Variants in ACVR1 observed in about 807,000 individuals in gnomAD.
ACVR1 encodes the protein activin receptor type-1.
ACVR1 carries 38 observed loss-of-function variants against 57.1 expected under a neutral mutation model. The observed-to-expected ratio is 0.67, with a 90% confidence interval of 0.51 to 0.87. ACVR1 has a LOEUF of 0.87. ACVR1 is among the 40% of genes least tolerant of loss of function. The pLI, the probability that ACVR1 is intolerant of heterozygous loss-of-function variation, is 0.00. For missense variants in ACVR1, 463 were observed against 638.2 expected (o/e 0.73, Z 2.96); for synonymous variants, 212 against 228.1 (o/e 0.93, Z 0.63).
chr2:157,780,304 C>T, intron 4 of ACVR1, 33 bp downstream of exon 4: 1 of 1,613,934 alleles, frequency 6.2e-7, no homozygotes, highest in Non-Finnish European at 8.5e-7. Flanking sequence ...TAACAAAACC[C>T]CTTGATCTAG....
chr2:157,767,769 G>A (rs1685920875), intron 7 of ACVR1, among the ~76,000 whole-genome samples: 1 of 152,122 alleles, frequency 6.6e-6, no homozygotes, highest in African/African-American at 2.4e-5. Context: ...GGATCACACA[G>A]CTATTTAAGT....
At position 157,768,042 on chromosome 2, in the gene ACVR1, C is replaced by T. The variant is rs115385372; in HGVS notation, c.791-1846G>A. 9.8e-4 allele frequency among the ~76,000 whole-genome samples: 149 copies of T among 152,272 alleles called. 1 individual carries two copies. Among genetic ancestry groups the T allele is most frequent in the Non-Finnish European group, 1.8e-3 (123 of 68,018 alleles). ...ACTCTTACTGACTATGCCATACTGT[C>T]CCCAAACAAACTGATTTCTACTCAG... On this transcript the variant is annotated intron_variant, in intron 7 of 10. Transcript: ENST00000434821.
intron 2 of ACVR1, among the ~76,000 whole-genome samples, chr2:157,817,773 G>C (rs1004399532): frequency 1.1e-4 from 16 of 152,252 alleles, no homozygotes; most frequent in African/African-American, 3.8e-4. Flanking sequence ...GGCCAAGGCA[G>C]GTGGATCACA....
chr2:157,764,357 ATT>A, intron 8 of ACVR1, among the ~76,000 whole-genome samples: 1 of 130,980 alleles, frequency 7.6e-6, no homozygotes, highest in South Asian at 2.4e-4. Context: ...TATTATTATT[ATT>A]TTTCTTTTTT....
chr2:157,741,785 C>G (rs144298884), intron 9 of ACVR1, among the ~76,000 whole-genome samples: 1 of 152,016 alleles, frequency 6.6e-6, no homozygotes, highest in Admixed American at 6.6e-5. Flanking sequence ...TGGCAGGGCT[C>G]AGAGGAGGAA....
intron 2 of ACVR1, among the ~76,000 whole-genome samples, chr2:157,816,708 G>A (rs779382756): frequency 4.6e-5 from 7 of 152,122 alleles, no homozygotes; most frequent in South Asian, 4.1e-4. Context: ...CCTCAAAAGC[G>A]TTAAATCTAA....
intron 1 of ACVR1, among the ~76,000 whole-genome samples, chr2:157,865,764 C>T (rs1380762016): frequency 7.3e-6 from 1 of 137,138 alleles, no homozygotes; most frequent in Non-Finnish European, 1.5e-5. Flanking sequence ...CACTGCACTC[C>T]AGCCCGGGCA....
intron 7 of ACVR1, among the ~76,000 whole-genome samples, chr2:157,766,401 A>T (rs1685861509): frequency 1.3e-5 from 2 of 152,244 alleles, no homozygotes. Context: ...TAATAGGAAA[A>T]TTTCATATTC....
At chr2:157,769,199 A>G (rs145209308) in intron 7 of ACVR1, among the ~76,000 whole-genome samples, 334 of 152,316 alleles carry the variant, frequency 2.2e-3, no homozygotes, top group Non-Finnish European at 3.7e-3. Context: ...TAGTAACTGA[A>G]TGGGGCATAC....
intron 5 of ACVR1, among the ~76,000 whole-genome samples, chr2:157,776,159 G>T (rs1686279832): frequency 6.6e-6 from 1 of 152,166 alleles, no homozygotes; most frequent in African/African-American, 2.4e-5. Context: ...TCTTTACTGT[G>T]TTATTATATC....
intron 9 of ACVR1, among the ~76,000 whole-genome samples, chr2:157,750,639 G>A (rs1266200933): frequency 4.0e-5 from 6 of 151,866 alleles, no homozygotes; most frequent in African/African-American, 1.5e-4. Context: ...GAGAAACAAA[G>A]GTTATACCAG....
chr2:157,768,080 T>C (rs1685935566), intron 7 of ACVR1, among the ~76,000 whole-genome samples: 1 of 152,176 alleles, frequency 6.6e-6, no homozygotes, highest in African/African-American at 2.4e-5. Flanking sequence ...AAAAAATAAT[T>C]TCACATTTTC....
intron 7 of ACVR1, among the ~76,000 whole-genome samples, chr2:157,767,334 C>T (rs1050452259): frequency 2.0e-5 from 3 of 152,034 alleles, no homozygotes; most frequent in African/African-American, 7.3e-5. Flanking sequence ...GCGATCAGCC[C>T]GGAAGAGATT....
chr2:157,861,621 C>T (rs1689721488), intron 1 of ACVR1, among the ~76,000 whole-genome samples: 1 of 152,162 alleles, frequency 6.6e-6, no homozygotes, highest in Admixed American at 6.5e-5. Flanking sequence ...AAATGAACCA[C>T]CATTTCACCT....
Position 157,806,602 on chromosome 2 carries a change from T to A in ACVR1, c.-7-7102A>T, listed in dbSNP as rs1359374951. On this transcript the variant is annotated intron_variant, in intron 2 of 10. Transcript: ENST00000434821. ...TAGATAATACAAGAACAGTCATATCTCTTCTATGCTCAAAAGGCAATGAGC... is the reference window on the plus strand; with the variant it reads ...TAGATAATACAAGAACAGTCATATCACTTCTATGCTCAAAAGGCAATGAGC... 2.0e-5 allele frequency: 3 copies of A among 152,180 alleles called. No individual in the cohort carries two copies. The East Asian group carries it at 5.8e-4, about 29-fold the overall frequency. 9.4% of individuals were successfully genotyped at this position (152,180 alleles called of 1,614,324 possible).
intron 1 of ACVR1, among the ~76,000 whole-genome samples, chr2:157,859,872 G>A (rs962480546): frequency 6.6e-6 from 1 of 151,958 alleles, no homozygotes; most frequent in African/African-American, 2.4e-5. Flanking sequence ...TTTAATGGTC[G>A]TTTTTTGTAT....
intron 8 of ACVR1, among the ~76,000 whole-genome samples, chr2:157,765,495 A>C (rs920893854): frequency 1.3e-5 from 2 of 152,214 alleles, no homozygotes; most frequent in Non-Finnish European, 2.9e-5. Context: ...GTATCTCGAC[A>C]GGGATTTGGG....
chr2:157,805,448 C>T (rs866207913), intron 2 of ACVR1, among the ~76,000 whole-genome samples: 35 of 152,310 alleles, frequency 2.3e-4, no homozygotes, highest in Middle Eastern at 6.8e-3. Flanking sequence ...TTCTAACCTA[C>T]GCTTGCTCAC....
chr2:157,860,757 A>G (rs931021372), intron 1 of ACVR1, among the ~76,000 whole-genome samples: 8 of 148,510 alleles, frequency 5.4e-5, no homozygotes, highest in African/African-American at 1.7e-4. Context: ...TTTTTGCTAG[A>G]AAAAAAAAAA....
Sources: gnomAD v4.1 joint callset for allele counts (sites outside exome capture counted in the v4.1 genomes callset) on GRCh38, gnomAD v4.1.1 for gene constraint, MANE v1.5 for transcripts, NCBI Gene and HGNC (gene_info 2026-07-23, HGNC 2026-07-21) for gene names.